The following L3MBTL4 variants were observed in gnomAD, a reference collection of about 807,000 sequenced individuals.
L3MBTL4 encodes the protein lethal(3)malignant brain tumor-like protein 4.
L3MBTL4 carries 70 observed loss-of-function variants against 84.5 expected under a neutral mutation model. The ratio of observed to expected loss-of-function variants is 0.83; its 90% CI spans 0.68 to 1.01. The LOEUF (loss-of-function observed/expected upper bound fraction) is 1.01. L3MBTL4 is among the 50% of genes least tolerant of loss of function. L3MBTL4 has a pLI of 0.00. For missense variants in L3MBTL4, 715 were observed against 754.8 expected (o/e 0.95, Z 0.62); for synonymous variants, 274 against 259.8 (o/e 1.05, Z -0.52).
At chr18:6,217,142 AT>A (rs1366659088) in intron 10 of L3MBTL4, among the ~76,000 whole-genome samples, 1 of 152,104 alleles carries the variant, frequency 6.6e-6, no homozygotes, top group Non-Finnish European at 1.5e-5. Context: ...ATAAAAATAT[AT>A]TTAAAGGAAA....
intron 16 of L3MBTL4, among the ~76,000 whole-genome samples, chr18:5,988,432 A>G (rs1325500062): frequency 6.6e-6 from 1 of 152,216 alleles, no homozygotes; most frequent in African/African-American, 2.4e-5. Context: ...TTAAATAGAA[A>G]ATGTAAATTA....
chr18:6,041,595 G>C (rs9965594), intron 16 of L3MBTL4, among the ~76,000 whole-genome samples: 2,251 of 151,816 alleles, frequency 0.015, 53 homozygotes, highest in African/African-American at 0.052. Context: ...TGCATAGGCT[G>C]TCATGAAGGC....
In L3MBTL4 at chr18:6,274,801, G is replaced by A. The variant is rs576839846; in HGVS notation, c.128-10763C>T. Among the ~76,000 whole-genome samples, 24 of 152,284 alleles carry A rather than the reference G, an allele frequency of 1.6e-4. No homozygotes were observed. In the South Asian group the frequency reaches 3.5e-3, roughly 22 times the overall value. ...CGCAGGCATGATATGACGAGGTCTCGATTTGAGATAGCTCTCCCTTTCCCC... is the reference window on the plus strand; with the variant it reads ...CGCAGGCATGATATGACGAGGTCTCAATTTGAGATAGCTCTCCCTTTCCCC... On this transcript the variant is annotated intron_variant, in intron 4 of 18. Coordinates refer to ENST00000317931, the MANE Select transcript of L3MBTL4 (RefSeq NM_001330559.2).
intron 5 of L3MBTL4, among the ~76,000 whole-genome samples, chr18:6,246,382 T>C (rs2047667489): frequency 6.6e-6 from 1 of 152,324 alleles, no homozygotes; most frequent in African/African-American, 2.4e-5. Flanking sequence ...GCAGACTTCC[T>C]AATTTGCTCC....
chr18:6,211,119 G>C (rs563412994), intron 12 of L3MBTL4, among the ~76,000 whole-genome samples: 6 of 152,168 alleles, frequency 3.9e-5, no homozygotes, highest in Non-Finnish European at 8.8e-5. Flanking sequence ...AGTCAAATAA[G>C]TCAGTGCTGG....
Position 6,004,996 on chromosome 18 carries a change from A to AT in L3MBTL4, c.1445-35435_1445-35434insA, listed in dbSNP as rs1567973105. On this transcript the variant is annotated intron_variant, in intron 16 of 18. Transcript: ENST00000317931. ...TACACATAAAAATGGTTAAGATGAT[A>AT]ATTTTTTTTTTTTTTTTTTTTTTTT... 5.5e-4 allele frequency among the ~76,000 whole-genome samples: 23 copies of AT among 42,014 alleles called. No individual in the cohort carries two copies. In the South Asian group the frequency reaches 6.8e-3, roughly 12 times the overall value. The allele number at this position is 42,014 out of a possible 152,430, so 27.6% of individuals were successfully genotyped here.
intron 1 of L3MBTL4, among the ~76,000 whole-genome samples, chr18:6,401,353 G>C (rs1280470533): frequency 1.3e-5 from 2 of 151,992 alleles, no homozygotes; most frequent in African/African-American, 4.8e-5. Context: ...TCTGAATTTT[G>C]ACTAGATGTC....
At chr18:6,094,631 T>A (rs969463131) in intron 14 of L3MBTL4, among the ~76,000 whole-genome samples, 1 of 152,166 alleles carries the variant, frequency 6.6e-6, no homozygotes, top group Admixed American at 6.5e-5. Flanking sequence ...TAGTACAAAG[T>A]AAATCCATTC....
In L3MBTL4 at chr18:6,200,009, G is replaced by A. The variant is rs528592953; in HGVS notation, c.981+13140C>T. Among the ~76,000 whole-genome samples the A allele has an allele frequency of 1.4e-4, 21 of 152,286 alleles. No individual in the cohort carries two copies. In the East Asian group the frequency reaches 2.3e-3, roughly 17 times the overall value. On this transcript the variant is annotated intron_variant, in intron 12 of 18. Coordinates refer to ENST00000317931, the MANE Select transcript of L3MBTL4 (RefSeq NM_001330559.2). ...CAGTGATGGACAACACCCCTGGAAG[G>A]AGGAAGCTGCCAGCAGAAGCCACTG...
intron 1 of L3MBTL4, among the ~76,000 whole-genome samples, chr18:6,370,368 G>C (rs1044761066): frequency 6.6e-6 from 1 of 152,134 alleles, no homozygotes; most frequent in Non-Finnish European, 1.5e-5. Context: ...AATCAGACTT[G>C]GAAAATGATA....
At chr18:5,994,570 T>C (rs960522575) in intron 16 of L3MBTL4, among the ~76,000 whole-genome samples, 6 of 152,132 alleles carry the variant, frequency 3.9e-5, no homozygotes, top group Non-Finnish European at 7.3e-5. Context: ...TAAGTATTAA[T>C]AGTAAAAGTA....
At chr18:6,362,155 G>GA (rs58418783) in intron 1 of L3MBTL4, among the ~76,000 whole-genome samples, 70,682 of 113,566 alleles carry the variant, frequency 0.62, 22,378 homozygotes, top group African/African-American at 0.77. Flanking sequence ...GGGAGGGGGG[G>GA]AAGAGAAGGA....
intron 8 of L3MBTL4, among the ~76,000 whole-genome samples, chr18:6,241,119 A>G (rs1350853847): frequency 6.6e-6 from 1 of 152,228 alleles, no homozygotes; most frequent in African/African-American, 2.4e-5. Flanking sequence ...GGCTTTAAAC[A>G]TAAAGTTTTT....
chr18:6,382,421 G>C (rs1036649379), intron 1 of L3MBTL4, among the ~76,000 whole-genome samples: 1 of 152,118 alleles, frequency 6.6e-6, no homozygotes, highest in African/African-American at 2.4e-5. Context: ...TCTAGTTTTT[G>C]GAATTTTCAG....
At chr18:6,094,220 G>A (rs1375287614) in intron 14 of L3MBTL4, among the ~76,000 whole-genome samples, 1 of 152,152 alleles carries the variant, frequency 6.6e-6, no homozygotes. Flanking sequence ...GCAGGCTGAT[G>A]GGCTGTCTCC....
chr18:5,992,942 G>T (rs773387415), intron 16 of L3MBTL4, among the ~76,000 whole-genome samples: 8 of 152,140 alleles, frequency 5.3e-5, no homozygotes, highest in Non-Finnish European at 1.2e-4. Flanking sequence ...CTAACACAAG[G>T]AGCTAGGTAG....
intron 13 of L3MBTL4, among the ~76,000 whole-genome samples, chr18:6,145,483 C>CAA (rs139752128): frequency 5.9e-4 from 87 of 148,228 alleles, no homozygotes; most frequent in African/African-American, 1.8e-3. Context: ...TGGCCAGCAT[C>CAA]AAAAAAAAAG....
intron 13 of L3MBTL4, among the ~76,000 whole-genome samples, chr18:6,153,872 A>G (rs961492714): frequency 1.3e-5 from 2 of 152,222 alleles, no homozygotes; most frequent in African/African-American, 4.8e-5. Context: ...AGACCTCCTC[A>G]GCCATGCAGA....
intron 16 of L3MBTL4, among the ~76,000 whole-genome samples, chr18:6,011,162 C>T (rs756620416): frequency 2.5e-4 from 38 of 152,210 alleles, no homozygotes; most frequent in Non-Finnish European, 3.1e-4. Flanking sequence ...AAAAGCACAT[C>T]ACCAGTAAGA....
Sources: allele counts gnomAD v4.1 joint callset (sites outside exome capture counted in the v4.1 genomes callset), GRCh38; gene constraint gnomAD v4.1.1; transcripts MANE v1.5; gene names NCBI Gene and HGNC (gene_info 2026-07-23, HGNC 2026-07-21).